Variants in PRELID2 observed in about 807,000 individuals in gnomAD.
The protein encoded by PRELID2 is PRELI domain-containing protein 2.
Under a neutral mutation model 28.4 loss-of-function variants are expected in PRELID2, and 25 were observed. The ratio of observed to expected loss-of-function variants is 0.88; its 90% CI spans 0.64 to 1.23. The LOEUF is 1.23. Among genes scored for constraint, PRELID2 ranks in the 50% most tolerant of loss-of-function variants. The pLI is 0.00. For synonymous variants in PRELID2, 76 were observed against 71.6 expected, an observed-to-expected ratio of 1.06 and a Z score of -0.31; for missense variants, 201 against 214.4, an observed-to-expected ratio of 0.94 and a Z score of 0.39.
At chr5:145,403,789 G>A in the PRELID2 span, among the ~76,000 whole-genome samples, 1 of 152,090 alleles carries the variant, frequency 6.6e-6, no homozygotes, top group East Asian at 1.9e-4. Flanking sequence ...GAGAATTGGG[G>A]GATCCTAGCT....
chr5:145,372,111 C>CT, the PRELID2 span, among the ~76,000 whole-genome samples: 1 of 151,950 alleles, frequency 6.6e-6, no homozygotes, highest in African/African-American at 2.4e-5. Flanking sequence ...CTTAACACTG[C>CT]TTTAGGGTGT....
intron 1 of PRELID2, among the ~76,000 whole-genome samples, chr5:145,695,924 G>T (rs866847847): frequency 1.3e-5 from 2 of 152,038 alleles, no homozygotes; most frequent in African/African-American, 2.4e-5. Flanking sequence ...AATATCAGAG[G>T]GGGGAGAATC....
At chr5:145,746,604 G>A (rs2400200) in intron 1 of PRELID2, among the ~76,000 whole-genome samples, 119,011 of 152,066 alleles carry the variant, frequency 0.78, 47,685 homozygotes, top group East Asian at 0.88. Flanking sequence ...ACACCCCACT[G>A]TCAATATTAG....
intron 1 of PRELID2, among the ~76,000 whole-genome samples, chr5:145,662,851 T>C (rs1010070502): frequency 5.8e-4 from 89 of 152,170 alleles, no homozygotes; most frequent in African/African-American, 2.0e-3. Context: ...AAGAAATAAA[T>C]TTCCTTTTCT....
the PRELID2 span, among the ~76,000 whole-genome samples, chr5:145,364,488 C>A: frequency 6.6e-6 from 1 of 151,912 alleles, no homozygotes; most frequent in Non-Finnish European, 1.5e-5. Context: ...ATGTAAGCTC[C>A]CTAAGGAGAG....
chr5:145,307,829 G>T, the PRELID2 span, among the ~76,000 whole-genome samples: 1 of 152,106 alleles, frequency 6.6e-6, no homozygotes, highest in Non-Finnish European at 1.5e-5. Flanking sequence ...ATTTGCTTTT[G>T]TCATTTCTTT....
At chr5:145,434,799 C>A in the PRELID2 span, among the ~76,000 whole-genome samples, 1 of 152,120 alleles carries the variant, frequency 6.6e-6, no homozygotes, top group Non-Finnish European at 1.5e-5. Context: ...AAGTTTCTAA[C>A]CTCAGGCAAA....
At chr5:145,553,423 A>G (rs1365571103) in intron 1 of PRELID2, among the ~76,000 whole-genome samples, 2 of 152,222 alleles carry the variant, frequency 1.3e-5, no homozygotes, top group Non-Finnish European at 2.9e-5. Flanking sequence ...CTGGCACTCC[A>G]TCCTTAGCTA....
chr5:145,461,590 T>A, the PRELID2 span, among the ~76,000 whole-genome samples: 2 of 152,218 alleles, frequency 1.3e-5, no homozygotes, highest in African/African-American at 2.4e-5. Context: ...GCGTGAGCCA[T>A]CGTGCCCGGC....
In PRELID2 at chr5:145,794,289, C is replaced by T. The variant is rs75427418; in HGVS notation, c.474+2153G>A. Among the ~76,000 whole-genome samples, 29 of 152,262 alleles carry T rather than the reference C, an allele frequency of 1.9e-4. No individual in the cohort carries two copies. In the East Asian group the frequency reaches 5.2e-3, roughly 27 times the overall value. Reference sequence around the variant, plus strand: ...GAAGACCTTTCTGAAGGCTGCCAGCCTCACCACCCTTGTACACTTAGAATG... The same window carrying T: ...GAAGACCTTTCTGAAGGCTGCCAGCTTCACCACCCTTGTACACTTAGAATG... On this transcript the variant is annotated intron_variant, in intron 5 of 6. Coordinates refer to ENST00000683046, the MANE Select transcript of PRELID2 (RefSeq NM_205846.3).
chr5:145,744,382 T>C (rs1756931393), intron 1 of PRELID2, among the ~76,000 whole-genome samples: 1 of 152,236 alleles, frequency 6.6e-6, no homozygotes, highest in African/African-American at 2.4e-5. Flanking sequence ...TCCCGTTCCC[T>C]GTGCCACTCA....
the PRELID2 span, among the ~76,000 whole-genome samples, chr5:145,336,589 T>C: frequency 6.6e-6 from 1 of 152,154 alleles, no homozygotes; most frequent in Non-Finnish European, 1.5e-5. Context: ...GTTGTAGATA[T>C]GTGGCGTTAT....
At chr5:145,796,625 T>C (rs1752769950) in intron 4 of PRELID2, 78 bp from the exon 5 acceptor site, 1 of 737,342 alleles carries the variant, frequency 1.4e-6, no homozygotes, top group Non-Finnish European at 2.2e-6. Context: ...TCTAGCTGCA[T>C]AATTACCACT....
In PRELID2 at chr5:145,650,294, C is replaced by T. The variant is rs899509200; in HGVS notation, n.70+114637G>A. 7.6e-4 allele frequency among the ~76,000 whole-genome samples: 116 copies of T among 151,990 alleles called. 2 individuals are homozygous for T. Among genetic ancestry groups the T allele is most frequent in the African/African-American group, 2.7e-3 (114 of 41,488 alleles). On this transcript the variant is annotated intron_variant and non_coding_transcript_variant, in intron 1 of 2. Transcript: ENST00000510259. ...GAAATCAACAATCATCTCAAGGAGACGAGTAGCACTGAATGCCAGGATCAC... is the reference window on the plus strand; with the variant it reads ...GAAATCAACAATCATCTCAAGGAGATGAGTAGCACTGAATGCCAGGATCAC...
At chr5:145,255,610 TA>T in the PRELID2 span, among the ~76,000 whole-genome samples, 53 of 146,198 alleles carry the variant, frequency 3.6e-4, no homozygotes, top group African/African-American at 8.5e-4. Flanking sequence ...TTGTCTCTAT[TA>T]AAAAAAAAAG....
At chr5:145,750,812 A>T (rs951669615) in intron 1 of PRELID2, among the ~76,000 whole-genome samples, 1 of 152,216 alleles carries the variant, frequency 6.6e-6, no homozygotes, top group African/African-American at 2.4e-5. Flanking sequence ...CTAAAGCAGA[A>T]CCAGCTGCAC....
chr5:145,272,071 T>G, the PRELID2 span, among the ~76,000 whole-genome samples: 2 of 145,002 alleles, frequency 1.4e-5, no homozygotes, highest in Non-Finnish European at 3.0e-5. Flanking sequence ...GGAGACATAT[T>G]GGATGGCAAC....
intron 1 of PRELID2, among the ~76,000 whole-genome samples, chr5:145,731,036 T>C (rs1756330276): frequency 1.3e-5 from 2 of 152,234 alleles, no homozygotes; most frequent in Non-Finnish European, 2.9e-5. Flanking sequence ...GCACTCCTGA[T>C]AGAAATTGGC....
At chr5:145,252,120 C>T in the PRELID2 span, among the ~76,000 whole-genome samples, 1 of 152,152 alleles carries the variant, frequency 6.6e-6, no homozygotes, top group South Asian at 2.1e-4. Context: ...ACATTGGCAT[C>T]ACCTGGGAGC....
Sources: allele counts gnomAD v4.1 joint callset (sites outside exome capture counted in the v4.1 genomes callset), GRCh38; gene constraint gnomAD v4.1.1; transcripts MANE v1.5; gene names NCBI Gene and HGNC (gene_info 2026-07-23, HGNC 2026-07-21).